ACO1: variants seen among roughly 807,000 people sequenced by gnomAD.
ACO1 encodes the protein cytoplasmic aconitate hydratase.
A neutral mutation model predicts 105.1 loss-of-function variants in ACO1; 78 were observed. The observed-to-expected ratio is 0.74, with a 90% confidence interval of 0.62 to 0.90. The LOEUF (loss-of-function observed/expected upper bound fraction) is 0.90. Among genes scored for constraint, ACO1 ranks in the 40% least tolerant of loss-of-function variants. ACO1 has a pLI of 0.00. For missense variants in ACO1, 965 were observed against 1,111.1 expected, an observed-to-expected ratio of 0.87 and a Z score of 1.87; for synonymous variants, 364 against 397.4, an observed-to-expected ratio of 0.92 and a Z score of 1.00.
chr9:32,394,935 G>C (rs1261901067), intron 1 of ACO1, among the ~76,000 whole-genome samples: 1 of 41,010 alleles, frequency 2.4e-5, no homozygotes, highest in African/African-American at 4.2e-5. Context: ...AATTCACAGA[G>C]GTAAAGATGG....
intron 7 of ACO1, among the ~76,000 whole-genome samples, chr9:32,419,390 T>A (rs896265065): frequency 2.6e-5 from 4 of 152,278 alleles, no homozygotes; most frequent in African/African-American, 9.6e-5. Flanking sequence ...GCTGCATCGA[T>A]CTTTTTCTTA....
intron 19 of ACO1, among the ~76,000 whole-genome samples, chr9:32,446,844 A>G (rs1372554145): frequency 6.6e-6 from 1 of 152,096 alleles, no homozygotes; most frequent in Admixed American, 6.5e-5. Context: ...TAACATATGA[A>G]GCTTAGTTCG....
In ACO1 at chr9:32,434,693, TAACA is replaced by T; in HGVS notation, c.2092_2095del (p.Asn698GlufsTer3). On this transcript the variant is annotated frameshift_variant, in exon 17 of 21. Coordinates refer to ENST00000309951, the MANE Select transcript of ACO1 (RefSeq NM_002197.3). LOFTEE classifies it high-confidence loss of function. Reference sequence around the variant, plus strand: ...ACAGTCCTGCTGCTCGCTACTTAACTAACAGAGGGTAAGTATGAATGAGGCAGGA... The same window carrying T: ...ACAGTCCTGCTGCTCGCTACTTAACTGAGGGTAAGTATGAATGAGGCAGGA... The T allele has an allele frequency of 6.2e-7, 1 of 1,613,948 alleles. No homozygotes were observed.
chr9:32,414,299 TA>T (rs1456975376), intron 4 of ACO1, among the ~76,000 whole-genome samples: 1 of 152,240 alleles, frequency 6.6e-6, no homozygotes, highest in Non-Finnish European at 1.5e-5. Flanking sequence ...TCAAATGAAC[TA>T]AGAAATTTCC....
intron 17 of ACO1, among the ~76,000 whole-genome samples, chr9:32,435,303 G>A (rs538674104): frequency 1.4e-3 from 208 of 152,270 alleles, no homozygotes; most frequent in African/African-American, 2.0e-3. Context: ...TCCCCAGAGC[G>A]AATTTGAGGA....
intron 19 of ACO1, among the ~76,000 whole-genome samples, chr9:32,440,823 C>T (rs1490312377): frequency 1.3e-5 from 2 of 152,136 alleles, no homozygotes; most frequent in Admixed American, 6.5e-5. Flanking sequence ...GGGGGCATGT[C>T]TATAGAACAG....
Position 32,388,528 on chromosome 9 carries a change from C to CA in ACO1, c.-23+3805dup, listed in dbSNP as rs563967613. Among the ~76,000 whole-genome samples the CA allele has an allele frequency of 2.1e-3, 306 of 142,596 alleles. 1 individual carries two copies. Among genetic ancestry groups the CA allele is most frequent in the South Asian group, 6.1e-3 (27 of 4,452 alleles). The allele number at this position is 142,596 out of a possible 152,430, so 93.5% of individuals were successfully genotyped here. ...TGGGCAATAGAGTAAGACCCTGTCT[C>CA]AAAAAAAAAAAATCCTCGTTATATA... is the stretch of plus-strand genomic sequence containing the variant. On this transcript the variant is annotated intron_variant, in intron 1 of 20. Coordinates refer to ENST00000309951, the MANE Select transcript of ACO1 (RefSeq NM_002197.3).
At position 32,407,385 on chromosome 9, in the gene ACO1, A is replaced by G. The variant is rs1268786789; in HGVS notation, c.222A>G (p.Ile74Met). The change falls in exon 3 of 21, where the codon ATA (isoleucine) becomes ATG (methionine). Residue 74 changes from isoleucine (I) to methionine (M), a missense_variant. By Grantham distance (10) the Ile-to-Met change is conservative. Coordinates refer to ENST00000309951, the MANE Select transcript of ACO1 (RefSeq NM_002197.3). ...GGAATGTCACGCAGCACAAGAACATAGAAGTGCCATTTAAGCCTGCTCGTG... is the reference window on the plus strand; with the variant it reads ...GGAATGTCACGCAGCACAAGAACATGGAAGTGCCATTTAAGCCTGCTCGTG... ...LHWNVTQHKN[I>M]EVPFKPARVI... is the part of the protein sequence containing the mutation. 3.1e-6 allele frequency: 5 copies of G among 1,614,192 alleles called. No individual in the cohort carries two copies. Among genetic ancestry groups the G allele is most frequent in the East Asian group, 2.2e-5 (1 of 44,880 alleles).
chr9:32,450,166 A>G lies in ACO1; in HGVS notation c.*55A>G, dbSNP rs1012608165. 4.1e-6 allele frequency: 6 copies of G among 1,453,208 alleles called. No homozygotes were observed. The highest frequency in any genetic ancestry group is 1.9e-6 in the Non-Finnish European group (2 of 1,035,492). 90.0% of individuals were successfully genotyped at this position (1,453,208 alleles called of 1,614,324 possible). A position where few individuals can be genotyped will look rare whatever the true frequency, so the allele number is the denominator to read the frequency against. Reference sequence around the variant, plus strand: ...AGGAAGCCGCACCACCAGCCAGCGCAGGCCCTGGTGGAGAGGCCTCCCTGG... The same window carrying G: ...AGGAAGCCGCACCACCAGCCAGCGCGGGCCCTGGTGGAGAGGCCTCCCTGG... On this transcript the variant is annotated 3_prime_UTR_variant, in exon 21 of 21. Transcript: ENST00000309951.
chr9:32,401,412 C>G (rs1026121572), intron 1 of ACO1, among the ~76,000 whole-genome samples: 5 of 151,500 alleles, frequency 3.3e-5, no homozygotes, highest in Non-Finnish European at 5.9e-5. Flanking sequence ...CTGGTTATCC[C>G]ACTAATGAGT....
Position 32,431,990 on chromosome 9 carries a change from C to G in ACO1, c.1851+147C>G, listed in dbSNP as rs1007152500. 4.0e-6 allele frequency: 4 copies of G among 989,996 alleles called. No homozygotes were observed. The African/African-American group carries it at 6.6e-5, about 16-fold the overall frequency. The allele number at this position is 989,996 out of a possible 1,614,324, so 61.3% of individuals were successfully genotyped here. A position where few individuals can be genotyped will look rare whatever the true frequency, so the allele number is the denominator to read the frequency against. On this transcript the variant is annotated intron_variant, in intron 15 of 20. Coordinates refer to ENST00000309951, the MANE Select transcript of ACO1 (RefSeq NM_002197.3). Reference sequence around the variant, plus strand: ...TTCAGATGACTGGGGAGGTGGTTCTCCGTCATTTTTCTCCTGTGACTCGCA... The same window carrying G: ...TTCAGATGACTGGGGAGGTGGTTCTGCGTCATTTTTCTCCTGTGACTCGCA...
chr9:32,426,494 G>A (rs898642276), intron 11 of ACO1, among the ~76,000 whole-genome samples: 1 of 152,128 alleles, frequency 6.6e-6, no homozygotes, highest in African/African-American at 2.4e-5. Flanking sequence ...CTACTATAAG[G>A]TCTCTTTAGT....
rs1169483355 is a variant in ACO1 at position 32,453,860 on chromosome 9, G to A, written c.*3749G>A. 6.6e-6 allele frequency: 1 copy of A among 152,180 alleles called. No homozygotes were observed. The highest frequency in any genetic ancestry group is 2.4e-5 in the African/African-American group (1 of 41,434). The allele number at this position is 152,180 out of a possible 1,614,324, so 9.4% of individuals were successfully genotyped here. A position where few individuals can be genotyped will look rare whatever the true frequency, so the allele number is the denominator to read the frequency against. On this transcript the variant is annotated 3_prime_UTR_variant, in exon 21 of 21. Transcript: ENST00000309951. ...GCCAGTTTGTGTTCAACCAGACAGC[G>A]TCATTATGAACAAAGATTATATAAC... is the stretch of plus-strand genomic sequence containing the variant.
chr9:32,417,454 CTA>C (rs1367391720), intron 4 of ACO1, among the ~76,000 whole-genome samples: 1 of 152,184 alleles, frequency 6.6e-6, no homozygotes, highest in East Asian at 1.9e-4. Flanking sequence ...GATCTTGTGA[CTA>C]TGACTTATTC....
In ACO1 at chr9:32,424,670, G is replaced by A; in HGVS notation, c.1188+5G>A. 2 of 1,602,484 alleles carry A rather than the reference G, an allele frequency of 1.2e-6. No homozygotes were observed. Among genetic ancestry groups the A allele is most frequent in the Non-Finnish European group, 1.7e-6 (2 of 1,170,466 alleles). On this transcript the variant is annotated splice_donor_5th_base_variant and intron_variant, in intron 10 of 20. Transcript: ENST00000309951. ...GAGAGCTGCCTTGGAGCCAAGGTAG[G>A]GGCCTGCGGGAAGAGGTTGAATCCT...
At chr9:32,426,930 T>A (rs891742249) in intron 11 of ACO1, among the ~76,000 whole-genome samples, 2 of 152,104 alleles carry the variant, frequency 1.3e-5, no homozygotes, top group African/African-American at 2.4e-5. Flanking sequence ...GCTCCTTCAA[T>A]GATGATTTTC....
chr9:32,408,477 A>G (rs1291125157), intron 3 of ACO1, 37 bp from the exon 4 acceptor site: 1 of 1,611,758 alleles, frequency 6.2e-7, no homozygotes, highest in Non-Finnish European at 8.5e-7. Context: ...CACACATTTA[A>G]GGCTTATTTT....
intron 1 of ACO1, among the ~76,000 whole-genome samples, chr9:32,385,505 T>G (rs1821140153): frequency 6.6e-6 from 1 of 152,250 alleles, no homozygotes; most frequent in Non-Finnish European, 1.5e-5. Flanking sequence ...AAATTTGTAC[T>G]ATAATAATTC....
chr9:32,449,029 A>T lies in ACO1; in HGVS notation c.2504A>T (p.Tyr835Phe). Residue 835 changes from tyrosine to phenylalanine, a missense_variant, in exon 20 of 21, where the codon TAC becomes TTC. By Grantham distance (22) the Tyr-to-Phe change is conservative (BLOSUM62 3). Coordinates refer to ENST00000309951, the MANE Select transcript of ACO1 (RefSeq NM_002197.3). Reference sequence around the variant, plus strand: ...CTGGGGCTCACAGGGCAAGAACGATACACTATCATTATTCCAGAAAACCTC... The same window carrying T: ...CTGGGGCTCACAGGGCAAGAACGATTCACTATCATTATTCCAGAAAACCTC... ...DALGLTGQER[Y>F]TIIIPENLKP... is the part of the protein sequence containing the mutation. 6.2e-7 allele frequency: 1 copy of T among 1,613,418 alleles called. No individual in the cohort carries two copies. Among genetic ancestry groups the T allele is most frequent in the Non-Finnish European group, 8.5e-7 (1 of 1,179,538 alleles).
Sources: gnomAD v4.1 joint callset for allele counts (sites outside exome capture counted in the v4.1 genomes callset) on GRCh38, gnomAD v4.1.1 for gene constraint, MANE v1.5 for transcripts, NCBI Gene and HGNC (gene_info 2026-07-23, HGNC 2026-07-21) for gene names.